CDH23: variants seen among roughly 807,000 people sequenced by gnomAD.
CDH23 encodes cadherin related 23, also known as cadherin-23.
Under a neutral mutation model 317.1 loss-of-function variants are expected in CDH23, and 189 were observed. That is an observed-to-expected ratio of 0.60 (90% CI 0.53 to 0.67). The LOEUF is 0.67. CDH23 is among the 30% of genes least tolerant of loss of function. The pLI is 0.00. For synonymous variants in CDH23, 1,839 were observed against 1,876.8 expected, an observed-to-expected ratio of 0.98 and a Z score of 0.52; for missense variants, 4,401 against 4,592.4, an observed-to-expected ratio of 0.96 and a Z score of 1.20.
intron 3 of CDH23, among the ~76,000 whole-genome samples, chr10:71,506,503 CA>C (rs1853647128): frequency 6.6e-6 from 1 of 152,184 alleles, no homozygotes; most frequent in Admixed American, 6.5e-5. Context: ...ATGTGTACCC[CA>C]GGGTCCCCCA....
chr10:71,675,033 G>A (rs952798563), intron 14 of CDH23, 79 bp from the exon 15 acceptor site: 10 of 1,320,462 alleles, frequency 7.6e-6, no homozygotes, highest in Admixed American at 3.5e-5. Flanking sequence ...GGAGACGTGC[G>A]AGAGGAACAT....
rs560877392 is a variant in CDH23 at position 71,597,546 on chromosome 10, G to A, written c.833-17958G>A. Among the ~76,000 whole-genome samples the A allele has an allele frequency of 2.0e-5, 3 of 152,176 alleles. No individual in the cohort carries two copies. The East Asian group carries it at 5.8e-4, about 29-fold the overall frequency. On this transcript the variant is annotated intron_variant, in intron 9 of 69. Coordinates refer to ENST00000224721, the MANE Select transcript of CDH23 (RefSeq NM_022124.6). ...GGGCTCCTCAGAGCCTGCTGTGGTGGTCCTTGGAACCTACCTCCCAAGGAG... is the reference window on the plus strand; with the variant it reads ...GGGCTCCTCAGAGCCTGCTGTGGTGATCCTTGGAACCTACCTCCCAAGGAG...
intron 6 of CDH23, among the ~76,000 whole-genome samples, chr10:71,531,511 T>TTTGCCTGCA (rs1230106888): frequency 2.0e-5 from 3 of 152,174 alleles, no homozygotes; most frequent in Non-Finnish European, 4.4e-5. Context: ...GCCCACAGCC[T>TTTGCCTGCA]TTGCCTGCAC....
intron 9 of CDH23, among the ~76,000 whole-genome samples, chr10:71,581,809 C>A (rs574669443): frequency 6.6e-6 from 1 of 152,336 alleles, no homozygotes; most frequent in South Asian, 2.1e-4. Context: ...AAAGGACTGC[C>A]CAGCCTGTGG....
At chr10:71,533,171 G>A (rs538158788) in intron 6 of CDH23, among the ~76,000 whole-genome samples, 5 of 152,274 alleles carry the variant, frequency 3.3e-5, no homozygotes, top group South Asian at 4.1e-4. Flanking sequence ...CCCCGAAGGC[G>A]GCTTGGAGAA....
chr10:71,424,454 G>A (rs1848959213), intron 1 of CDH23, among the ~76,000 whole-genome samples: 1 of 152,242 alleles, frequency 6.6e-6, no homozygotes, highest in South Asian at 2.1e-4. Flanking sequence ...TGGAAAAGAT[G>A]TATCACTTAA....
rs535401096 is a variant in CDH23, at chr10:71,432,101, G to A, written c.-5-7726G>A. Reference sequence around the variant, plus strand: ...CTGGCTTCCTCCAACCTGGGCAAAGGAGTGGGAACAGGAAGGAGGGGCCCT... The same window carrying A: ...CTGGCTTCCTCCAACCTGGGCAAAGAAGTGGGAACAGGAAGGAGGGGCCCT... On this transcript the variant is annotated intron_variant, in intron 1 of 69. Coordinates refer to ENST00000224721, the MANE Select transcript of CDH23 (RefSeq NM_022124.6). Among the ~76,000 whole-genome samples, 11 of 152,324 alleles carry A rather than the reference G, an allele frequency of 7.2e-5. 1 individual carries two copies. The South Asian group carries it at 2.3e-3, about 32-fold the overall frequency.
intron 9 of CDH23, among the ~76,000 whole-genome samples, chr10:71,611,324 G>A (rs902881318): frequency 2.6e-5 from 4 of 152,172 alleles, no homozygotes; most frequent in African/African-American, 9.7e-5. Flanking sequence ...CCCTGTGTGT[G>A]GGCCTGAGGG....
chr10:71,604,670 G>A (rs566983861), intron 9 of CDH23, among the ~76,000 whole-genome samples: 17 of 152,232 alleles, frequency 1.1e-4, no homozygotes, highest in Non-Finnish European at 1.8e-4. Context: ...GCTCAGGCCA[G>A]TCTCCCCAGC....
chr10:71,453,419 G>A (rs1416365883), intron 3 of CDH23, among the ~76,000 whole-genome samples: 1 of 152,268 alleles, frequency 6.6e-6, no homozygotes, highest in Non-Finnish European at 1.5e-5. Context: ...CCCCGCAGGA[G>A]CAGCCCCTGT....
chr10:71,703,282 T>C (rs1865659624), intron 24 of CDH23, among the ~76,000 whole-genome samples: 1 of 152,210 alleles, frequency 6.6e-6, no homozygotes, highest in Admixed American at 6.5e-5. Context: ...TCAACACCTC[T>C]GCCCTCCGGG....
At chr10:71,641,658 G>A (rs1862557890) in intron 11 of CDH23, among the ~76,000 whole-genome samples, 1 of 152,224 alleles carries the variant, frequency 6.6e-6, no homozygotes, top group African/African-American at 2.4e-5. Flanking sequence ...GGGGGAGGGA[G>A]AAGAATCGGG....
chr10:71,480,022 A>G (rs964765693), intron 3 of CDH23, among the ~76,000 whole-genome samples: 2 of 151,890 alleles, frequency 1.3e-5, no homozygotes, highest in African/African-American at 4.8e-5. Flanking sequence ...CAGTCCCATG[A>G]CTCTGCTGCT....
intron 48 of CDH23, chr10:71,794,505 A>C (rs1161792899): frequency 1.3e-5 from 2 of 152,214 alleles, no homozygotes; most frequent in African/African-American, 4.8e-5. Context: ...TTTTCCCAAA[A>C]GTTCAGTGTT....
In CDH23 at chr10:71,724,080, G is replaced by A. The variant is rs1232776970; in HGVS notation, c.3405G>A (p.Gly1135=). Residue 1135 remains glycine (G), a synonymous_variant, in exon 29 of 70, where the codon GGG becomes GGA. Coordinates refer to ENST00000224721, the MANE Select transcript of CDH23 (RefSeq NM_022124.6). ...KATDADEGEF[G]RVWYRILHGN... ...CGGACGCAGATGAGGGCGAGTTTGG[G>A]CGTGTGTGGTACCGCATCCTCCATG... 6 of 1,559,982 alleles carry A rather than the reference G, an allele frequency of 3.8e-6. No homozygotes were observed. In the Middle Eastern group the frequency reaches 5.0e-4, roughly 129 times the overall value.
rs1371113220 is a variant in CDH23, at chr10:71,567,019, A to G, written c.624+83A>G. 12 of 1,284,490 alleles carry G rather than the reference A, an allele frequency of 9.3e-6. No homozygotes were observed. The African/African-American group carries it at 1.5e-4, about 16-fold the overall frequency. 79.6% of individuals were successfully genotyped at this position (1,284,490 alleles called of 1,614,324 possible). ...GAGTGACGGGGCATTCCAATGGGAC[A>G]TTGACCCAGTGGCACACACTCGATG... On this transcript the variant is annotated intron_variant, in intron 7 of 69. Coordinates refer to ENST00000224721, the MANE Select transcript of CDH23 (RefSeq NM_022124.6).
At chr10:71,466,219 G>A (rs1482831878) in intron 3 of CDH23, among the ~76,000 whole-genome samples, 1 of 152,208 alleles carries the variant, frequency 6.6e-6, no homozygotes, top group Non-Finnish European at 1.5e-5. Context: ...ATGAGCATGT[G>A]AAGTGTGTCC....
chr10:71,739,530 C>T (rs1839676978), intron 35 of CDH23, 114 bp from the exon 36 acceptor site: 1 of 1,343,018 alleles, frequency 7.4e-7, no homozygotes, highest in Non-Finnish European at 1.0e-6. Flanking sequence ...CCCAAAAGCC[C>T]TTGCTCAACA....
intron 2 of CDH23, among the ~76,000 whole-genome samples, chr10:71,441,451 G>C (rs1849875791): frequency 6.6e-6 from 1 of 152,176 alleles, no homozygotes; most frequent in Non-Finnish European, 1.5e-5. Flanking sequence ...CGGCATGGTG[G>C]CTCTTGCTTA....
Sources: allele counts gnomAD v4.1 joint callset (sites outside exome capture counted in the v4.1 genomes callset), GRCh38; gene constraint gnomAD v4.1.1; transcripts MANE v1.5; gene names NCBI Gene and HGNC (gene_info 2026-07-23, HGNC 2026-07-21).